Variants in ATAD1 observed in about 807,000 individuals in gnomAD.
The protein encoded by ATAD1 is outer mitochondrial transmembrane helix translocase.
In ATAD1, 18 loss-of-function variants were observed where a neutral mutation model predicts 42.7. That is an observed-to-expected ratio of 0.42 (90% CI 0.29 to 0.63). The LOEUF (loss-of-function observed/expected upper bound fraction) is 0.63, where lower values mean the gene tolerates loss of function less well. ATAD1 is among the 20% of genes least tolerant of loss of function. ATAD1 has a pLI of 0.19. For synonymous variants in ATAD1, 132 were observed against 143.1 expected (o/e 0.92, Z 0.55); for missense variants, 294 against 440.4 (o/e 0.67, Z 2.98).
At chr10:87,780,827 A>T (rs780064657) in intron 5 of ATAD1, among the ~76,000 whole-genome samples, 1 of 152,190 alleles carries the variant, frequency 6.6e-6, no homozygotes, top group Admixed American at 6.5e-5. Context: ...GATGCTTGGA[A>T]GGATTAACAC....
intron 1 of ATAD1, among the ~76,000 whole-genome samples, chr10:87,823,919 A>C (rs977538800): frequency 1.3e-5 from 2 of 152,230 alleles, no homozygotes; most frequent in African/African-American, 2.4e-5. Flanking sequence ...AATAACTGAT[A>C]ACCTTGAAAC....
At chr10:87,811,432 G>T (rs1857179149) in intron 2 of ATAD1, among the ~76,000 whole-genome samples, 1 of 152,082 alleles carries the variant, frequency 6.6e-6, no homozygotes, top group Admixed American at 6.6e-5. Flanking sequence ...TACCCATACT[G>T]ACCTATTCAT....
intron 2 of ATAD1, among the ~76,000 whole-genome samples, chr10:87,806,058 TA>T (rs1856908537): frequency 6.6e-6 from 1 of 152,112 alleles, no homozygotes; most frequent in Non-Finnish European, 1.5e-5. Context: ...GATAACCAAA[TA>T]ATCTCTGAGG....
upstream of ATAD1, chr10:87,818,241 C>A: frequency 1.0e-6 from 1 of 985,508 alleles, no homozygotes; most frequent in Non-Finnish European, 1.2e-6. Flanking sequence ...TGGGAGAGAA[C>A]GCTTCCGGCG....
At chr10:87,809,857 G>C (rs1365684505) in intron 2 of ATAD1, among the ~76,000 whole-genome samples, 1 of 151,920 alleles carries the variant, frequency 6.6e-6, no homozygotes, top group Non-Finnish European at 1.5e-5. Context: ...TGTTGGCCAG[G>C]CTGGTCTCAA....
At chr10:87,793,987 G>A (rs1856255898) in intron 2 of ATAD1, among the ~76,000 whole-genome samples, 1 of 151,840 alleles carries the variant, frequency 6.6e-6, no homozygotes, top group Admixed American at 6.6e-5. Context: ...CACTTTGGAA[G>A]GCTGAGTTGG....
At chr10:87,831,778 G>A (rs1431065227) in intron 1 of ATAD1, among the ~76,000 whole-genome samples, 1 of 152,134 alleles carries the variant, frequency 6.6e-6, no homozygotes, top group African/African-American at 2.4e-5. Context: ...ACTGACAAGT[G>A]GTTAAGAACC....
chr10:87,798,625 G>GGTGGGTGTGTGTGTGTGTGT (rs1554881742), intron 2 of ATAD1, among the ~76,000 whole-genome samples: 2 of 124,860 alleles, frequency 1.6e-5, no homozygotes, highest in African/African-American at 6.1e-5. Context: ...AGCTATAGGG[G>GGTGGGTGTGTGTGTGTGTGT]GTGTGTGTGT....
intron 1 of ATAD1, among the ~76,000 whole-genome samples, chr10:87,829,083 C>A (rs1379149347): frequency 2.0e-5 from 3 of 152,020 alleles, no homozygotes; most frequent in Non-Finnish European, 2.9e-5. Flanking sequence ...ATTCTGCAGT[C>A]CATGGATCAA....
At chr10:87,762,528 G>A (rs1179520852) in intron 8 of ATAD1, among the ~76,000 whole-genome samples, 2 of 151,218 alleles carry the variant, frequency 1.3e-5, no homozygotes, top group South Asian at 2.1e-4. Context: ...ACAGTGGCGC[G>A]ATCTCGGCTC....
At chr10:87,803,383 T>C (rs1445572823) in intron 2 of ATAD1, among the ~76,000 whole-genome samples, 1 of 152,164 alleles carries the variant, frequency 6.6e-6, no homozygotes, top group Non-Finnish European at 1.5e-5. Flanking sequence ...CCCAAATCAC[T>C]AAAGGGAAAA....
chr10:87,823,638 A>G (rs1857671818), intron 1 of ATAD1, among the ~76,000 whole-genome samples: 1 of 152,206 alleles, frequency 6.6e-6, no homozygotes, highest in Non-Finnish European at 1.5e-5. Context: ...AATAGTTGAA[A>G]TGTTAATTCT....
chr10:87,828,103 G>A (rs144042886), intron 1 of ATAD1, among the ~76,000 whole-genome samples: 50 of 151,700 alleles, frequency 3.3e-4, no homozygotes, highest in African/African-American at 1.1e-3. Context: ...TACTACAGGC[G>A]CACACCACTG....
intron 9 of ATAD1, among the ~76,000 whole-genome samples, chr10:87,755,693 G>C (rs1285895865): frequency 6.6e-6 from 1 of 152,090 alleles, no homozygotes; most frequent in Admixed American, 6.6e-5. Context: ...TGGATCACCT[G>C]AGGTCAGGAG....
At chr10:87,776,284 A>T (rs773290814) in intron 6 of ATAD1, 37 bp downstream of exon 6, 2 of 1,527,576 alleles carry the variant, frequency 1.3e-6, no homozygotes, top group Non-Finnish European at 1.8e-6. Context: ...AGAACAAAAA[A>T]ACCAACACAA....
At chr10:87,754,891 T>C (rs1854153630) in intron 9 of ATAD1, 84 bp from the exon 10 acceptor site, 1 of 1,489,666 alleles carries the variant, frequency 6.7e-7, no homozygotes, top group African/African-American at 1.4e-5. Flanking sequence ...TTAAAAGAGA[T>C]GCATGTGGTA....
upstream of ATAD1, among the ~76,000 whole-genome samples, chr10:87,820,537 A>G (rs562740869): frequency 7.2e-5 from 11 of 152,302 alleles, 2 homozygotes; most frequent in South Asian, 8.3e-4. Context: ...CTACAATGAA[A>G]TGGAGTTCCC....
At chr10:87,837,951 ACT>A (rs1036819993) in intron 1 of ATAD1, among the ~76,000 whole-genome samples, 4 of 151,840 alleles carry the variant, frequency 2.6e-5, no homozygotes, top group African/African-American at 9.7e-5. Flanking sequence ...TTTCTCCCAC[ACT>A]CTCTGAGTAT....
intron 1 of ATAD1, among the ~76,000 whole-genome samples, chr10:87,833,643 T>C (rs1459949137): frequency 6.7e-6 from 1 of 149,790 alleles, no homozygotes; most frequent in African/African-American, 2.4e-5. Context: ...CCTTCTACCC[T>C]CGTCTGCTGA....
Sources: allele counts gnomAD v4.1 joint callset (sites outside exome capture counted in the v4.1 genomes callset), GRCh38; gene constraint gnomAD v4.1.1; transcripts MANE v1.5; gene names NCBI Gene and HGNC (gene_info 2026-07-23, HGNC 2026-07-21).